HECW2: variants seen among roughly 807,000 people sequenced by gnomAD.
The protein encoded by HECW2 is HECT, C2 and WW domain containing E3 ubiquitin protein ligase 2.
HECW2 carries 61 observed loss-of-function variants against 175.2 expected under a neutral mutation model. The ratio of observed to expected loss-of-function variants is 0.35; its 90% CI spans 0.28 to 0.43. The LOEUF (loss-of-function observed/expected upper bound fraction) is 0.43. Ranked by LOEUF, HECW2 falls within the 20% of genes least tolerant of loss-of-function variation. The probability of loss-of-function intolerance (pLI) is 1.00; values close to 1 mark genes in which losing one functional copy is unlikely to be tolerated. For missense variants in HECW2, 1,524 were observed against 2,000.5 expected, an observed-to-expected ratio of 0.76 and a Z score of 4.54; for synonymous variants, 671 against 731.0, an observed-to-expected ratio of 0.92 and a Z score of 1.32.
chr2:196,280,893 G>A (rs1294176771), intron 14 of HECW2, among the ~76,000 whole-genome samples: 1 of 152,206 alleles, frequency 6.6e-6, no homozygotes, highest in African/African-American at 2.4e-5. Context: ...CATATCCTCT[G>A]TATGTAAATG....
chr2:196,345,267 T>C (rs1364098936), intron 2 of HECW2, among the ~76,000 whole-genome samples: 1 of 152,228 alleles, frequency 6.6e-6, no homozygotes, highest in Non-Finnish European at 1.5e-5. Context: ...AGGTATCACA[T>C]GGCTCCTCAG....
At chr2:196,549,219 T>G (rs1476807856) in intron 1 of HECW2, among the ~76,000 whole-genome samples, 1 of 152,176 alleles carries the variant, frequency 6.6e-6, no homozygotes, top group Non-Finnish European at 1.5e-5. Context: ...AGGAAACACA[T>G]GCATAACTGC....
chr2:196,300,422 A>T (rs1691001175), intron 13 of HECW2, among the ~76,000 whole-genome samples: 1 of 152,266 alleles, frequency 6.6e-6, no homozygotes, highest in Admixed American at 6.5e-5. Flanking sequence ...TGCAAATAGC[A>T]CAAACACACA....
chr2:196,410,531 G>A (rs1191490680), intron 2 of HECW2, among the ~76,000 whole-genome samples: 1 of 152,098 alleles, frequency 6.6e-6, no homozygotes, highest in African/African-American at 2.4e-5. Context: ...AGTCTGTTAT[G>A]TCCGATCAGA....
chr2:196,498,182 A>G (rs1687460782), intron 1 of HECW2, among the ~76,000 whole-genome samples: 1 of 152,128 alleles, frequency 6.6e-6, no homozygotes, highest in Non-Finnish European at 1.5e-5. Flanking sequence ...AGATAATGTC[A>G]CTCCTAATAA....
At chr2:196,372,551 T>C (rs1003825718) in intron 2 of HECW2, among the ~76,000 whole-genome samples, 1 of 152,158 alleles carries the variant, frequency 6.6e-6, no homozygotes, top group Non-Finnish European at 1.5e-5. Flanking sequence ...TATGAATCTG[T>C]GCATACAATG....
In HECW2 at chr2:196,229,019, G is replaced by T. The variant is rs142317699; in HGVS notation, c.3765-765C>A. Among the ~76,000 whole-genome samples the T allele has an allele frequency of 1.5e-3, 224 of 152,268 alleles. 2 individuals are homozygous for T. Among genetic ancestry groups the T allele is most frequent in the African/African-American group, 5.3e-3 (219 of 41,548 alleles). Reference sequence around the variant, plus strand: ...GTGTTAGGTCTGAGGAATGACAAGTGGCCAAAAATGACGAGAGTAAAAAAT... The same window carrying T: ...GTGTTAGGTCTGAGGAATGACAAGTTGCCAAAAATGACGAGAGTAAAAAAT... On this transcript the variant is annotated intron_variant, in intron 21 of 28. Transcript: ENST00000644978.
intron 6 of HECW2, among the ~76,000 whole-genome samples, chr2:196,324,324 T>C (rs1238302196): frequency 2.0e-5 from 3 of 152,152 alleles, no homozygotes; most frequent in African/African-American, 7.2e-5. Context: ...TTTCCGTAGT[T>C]CAAATGAGAA....
chr2:196,509,212 G>A (rs1687863430), intron 1 of HECW2, among the ~76,000 whole-genome samples: 1 of 152,122 alleles, frequency 6.6e-6, no homozygotes, highest in Non-Finnish European at 1.5e-5. Context: ...GGTGAGTTGT[G>A]GAAGGGGTCC....
chr2:196,266,693 G>A (rs1208351627), intron 17 of HECW2, among the ~76,000 whole-genome samples: 1 of 152,088 alleles, frequency 6.6e-6, no homozygotes, highest in East Asian at 1.9e-4. Flanking sequence ...AAAAGAAATA[G>A]GTTAGCAATT....
At chr2:196,354,441 C>T (rs1693290095) in intron 2 of HECW2, among the ~76,000 whole-genome samples, 1 of 152,222 alleles carries the variant, frequency 6.6e-6, no homozygotes, top group South Asian at 2.1e-4. Flanking sequence ...TCGCAGTGGC[C>T]CTGGGTTCCA....
chr2:196,410,481 C>A (rs896352959), intron 2 of HECW2, among the ~76,000 whole-genome samples: 10 of 152,070 alleles, frequency 6.6e-5, no homozygotes, highest in African/African-American at 1.9e-4. Flanking sequence ...AAAAATAAAT[C>A]TTTAGAGACT....
intron 27 of HECW2, among the ~76,000 whole-genome samples, chr2:196,216,644 C>G (rs916537437): frequency 6.6e-6 from 1 of 152,074 alleles, no homozygotes; most frequent in African/African-American, 2.4e-5. Context: ...AACTGCATCC[C>G]TTTTTAAAGA....
At chr2:196,321,696 G>T (rs544794272) in intron 7 of HECW2, among the ~76,000 whole-genome samples, 6 of 152,046 alleles carry the variant, frequency 3.9e-5, no homozygotes, top group Admixed American at 2.0e-4. Context: ...TGCCGTGCCC[G>T]GCCAACTTAT....
chr2:196,428,036 C>T (rs943049352), intron 2 of HECW2, among the ~76,000 whole-genome samples: 14 of 152,272 alleles, frequency 9.2e-5, no homozygotes, highest in African/African-American at 2.6e-4. Flanking sequence ...CAGTTCAAAA[C>T]ATTCTGCACA....
Position 196,199,344 on chromosome 2 carries a change from G to C in HECW2, c.*1933C>G. 6.6e-6 allele frequency: 1 copy of C among 152,380 alleles called. No homozygotes were observed. Among genetic ancestry groups the C allele is most frequent in the African/African-American group, 2.4e-5 (1 of 41,348 alleles). The allele number at this position is 152,380 out of a possible 1,614,324, so 9.4% of individuals were successfully genotyped here. On this transcript the variant is annotated 3_prime_UTR_variant, in exon 29 of 29. Coordinates refer to ENST00000644978, the MANE Select transcript of HECW2 (RefSeq NM_001348768.2). ...TTTCTTTTTTTCTCTTCCAATTATAGAATACAGAGAGCTCTTCCTTTCTTA... is the reference window on the plus strand; with the variant it reads ...TTTCTTTTTTTCTCTTCCAATTATACAATACAGAGAGCTCTTCCTTTCTTA...
At chr2:196,497,599 T>C (rs73051074) in intron 1 of HECW2, among the ~76,000 whole-genome samples, 1 of 152,174 alleles carries the variant, frequency 6.6e-6, no homozygotes, top group East Asian at 1.9e-4. Context: ...CCTTCTCCTA[T>C]GTTCCTGTCT....
At chr2:196,419,562 T>C (rs997482302) in intron 2 of HECW2, among the ~76,000 whole-genome samples, 3 of 152,222 alleles carry the variant, frequency 2.0e-5, no homozygotes, top group Non-Finnish European at 2.9e-5. Flanking sequence ...GCTCCTGTGG[T>C]CTTTGTAATA....
chr2:196,317,207 G>T, intron 10 of HECW2, 67 bp downstream of exon 10: 1 of 1,189,458 alleles, frequency 8.4e-7, no homozygotes, highest in Non-Finnish European at 1.2e-6. Context: ...AGACTCATGG[G>T]AATGGGTCTG....
Sources: gnomAD v4.1 joint callset for allele counts (sites outside exome capture counted in the v4.1 genomes callset) on GRCh38, gnomAD v4.1.1 for gene constraint, MANE v1.5 for transcripts, NCBI Gene and HGNC (gene_info 2026-07-23, HGNC 2026-07-21) for gene names.